The following DPH6 variants were observed in gnomAD, a reference collection of about 807,000 sequenced individuals.
DPH6 encodes the protein diphthamine biosynthesis 6.
A neutral mutation model predicts 38.2 loss-of-function variants in DPH6; 33 were observed. The observed-to-expected ratio is 0.86, with a 90% CI of 0.65 to 1.15. The LOEUF (loss-of-function observed/expected upper bound fraction) is 1.15. Ranked by LOEUF, DPH6 falls within the 50% of genes most tolerant of loss-of-function variation. DPH6 has a pLI of 0.00. For synonymous variants in DPH6, 108 were observed against 103.0 expected, an observed-to-expected ratio of 1.05 and a Z score of -0.30; for missense variants, 325 against 320.0, an observed-to-expected ratio of 1.02 and a Z score of -0.12.
At chr15:35,400,985 C>G (rs1566896139) in intron 6 of DPH6, 4 of 953,966 alleles carry the variant, frequency 4.2e-6, no homozygotes, top group Non-Finnish European at 6.7e-6. Flanking sequence ...GACCAGGTGC[C>G]CACTCAACTG....
At chr15:35,395,534 C>T (rs940944090) in intron 6 of DPH6, among the ~76,000 whole-genome samples, 1 of 152,190 alleles carries the variant, frequency 6.6e-6, no homozygotes, top group Non-Finnish European at 1.5e-5. Context: ...CTCTTAGTTT[C>T]ATTTAGACCA....
At chr15:35,352,292 T>C (rs909317778) in intron 3 of DPH6, among the ~76,000 whole-genome samples, 17 of 152,180 alleles carry the variant, frequency 1.1e-4, no homozygotes, top group Non-Finnish European at 2.2e-4. Context: ...CAATTTTTTT[T>C]ATTATACTTT....
chr15:35,359,446 T>C (rs529209703), intron 3 of DPH6, among the ~76,000 whole-genome samples: 1 of 152,176 alleles, frequency 6.6e-6, no homozygotes, highest in Non-Finnish European at 1.5e-5. Context: ...AGAGATTTGC[T>C]TCTCTCTGTG....
At chr15:35,297,061 A>T (rs2052020719) in intron 3 of DPH6, among the ~76,000 whole-genome samples, 2 of 152,096 alleles carry the variant, frequency 1.3e-5, no homozygotes, top group South Asian at 2.1e-4. Context: ...CCTATCTAAG[A>T]CTAATCACTC....
At chr15:35,521,488 C>T (rs2054922322) in intron 3 of DPH6, 1 of 1,207,720 alleles carries the variant, frequency 8.3e-7, no homozygotes, top group Admixed American at 4.4e-5. Context: ...TTAATGCTTA[C>T]AACAGAATCA....
At chr15:35,225,550 T>C (rs1030366680) in intron 3 of DPH6, among the ~76,000 whole-genome samples, 2 of 152,244 alleles carry the variant, frequency 1.3e-5, no homozygotes, top group African/African-American at 4.8e-5. Context: ...CTACTTGATG[T>C]CTCTAGCCTT....
intron 3 of DPH6, among the ~76,000 whole-genome samples, chr15:35,307,279 T>A (rs1301854772): frequency 6.6e-6 from 1 of 152,046 alleles, no homozygotes; most frequent in Non-Finnish European, 1.5e-5. Flanking sequence ...CACTCTGTAT[T>A]GGGCACAGAA....
intron 6 of DPH6, among the ~76,000 whole-genome samples, chr15:35,407,965 A>C (rs570369621): frequency 2.0e-5 from 3 of 152,118 alleles, no homozygotes; most frequent in Non-Finnish European, 4.4e-5. Context: ...ACACTTTAAA[A>C]ATACCATTCT....
intron 3 of DPH6, among the ~76,000 whole-genome samples, chr15:35,526,197 T>C (rs1052035810): frequency 6.6e-6 from 1 of 152,158 alleles, no homozygotes; most frequent in Admixed American, 6.5e-5. Context: ...CCCTGCAAAA[T>C]TACTACCTAG....
the DPH6 span, among the ~76,000 whole-genome samples, chr15:35,150,305 T>C: frequency 1.1e-4 from 16 of 152,182 alleles, no homozygotes; most frequent in Admixed American, 1.0e-3. Context: ...TCTTATCAGA[T>C]GGTGCAATTT....
rs2053220534 is a variant in DPH6 at position 35,401,606 on chromosome 15, A to G, written c.567+9229T>C. On this transcript the variant is annotated intron_variant, in intron 6 of 8. Transcript: ENST00000256538. ...AGCTACAATGATTTTGGCAATTACA[A>G]CAATCATCTTCGAATTTTGGAACCA... 23 of 763,946 alleles carry G rather than the reference A, an allele frequency of 3.0e-5. No homozygotes were observed. The East Asian group carries it at 5.4e-4, about 18-fold the overall frequency. 47.3% of individuals were successfully genotyped at this position (763,946 alleles called of 1,614,324 possible).
intron 3 of DPH6, among the ~76,000 whole-genome samples, chr15:35,227,244 C>T (rs1430763856): frequency 2.1e-4 from 27 of 125,594 alleles, no homozygotes; most frequent in Admixed American, 6.4e-4. Flanking sequence ...AGTGCAGAGG[C>T]GCGATCTCGG....
downstream of DPH6, among the ~76,000 whole-genome samples, chr15:35,214,496 G>C (rs2051402610): frequency 6.6e-6 from 1 of 152,058 alleles, no homozygotes; most frequent in Admixed American, 6.5e-5. Flanking sequence ...CTTTCTATCT[G>C]CCAGGATATA....
At position 35,272,714 on chromosome 15, in the gene DPH6, G is replaced by C. The variant is rs539536458; in HGVS notation, n.201-52132C>G. On this transcript the variant is annotated intron_variant and non_coding_transcript_variant, in intron 3 of 3. Coordinates refer to the DPH6 transcript ENST00000560386. ...ACCTGAGGTTAGGAGTTCAAGACCA[G>C]CCTGGCCAACATGGTGAAACCCATC... 3.9e-5 allele frequency among the ~76,000 whole-genome samples: 6 copies of C among 152,158 alleles called. No homozygotes were observed. In the South Asian group the frequency reaches 1.2e-3, roughly 32 times the overall value.
chr15:35,452,661 C>G (rs1400520549), intron 4 of DPH6, among the ~76,000 whole-genome samples: 1 of 152,056 alleles, frequency 6.6e-6, no homozygotes, highest in East Asian at 1.9e-4. Context: ...TGTAATTTTC[C>G]CTTTTAAAAT....
At chr15:35,199,673 T>C in the DPH6 span, among the ~76,000 whole-genome samples, 1 of 151,838 alleles carries the variant, frequency 6.6e-6, no homozygotes, top group Non-Finnish European at 1.5e-5. Flanking sequence ...GATGACAGAT[T>C]ATCAAGTTTT....
At chr15:35,356,521 G>C (rs953149595) in intron 3 of DPH6, among the ~76,000 whole-genome samples, 1 of 152,192 alleles carries the variant, frequency 6.6e-6, no homozygotes, top group East Asian at 1.9e-4. Context: ...CTCAGCTGCA[G>C]GTCTGTTGGA....
intron 5 of DPH6, among the ~76,000 whole-genome samples, chr15:35,434,654 A>T (rs967461908): frequency 1.3e-5 from 2 of 152,234 alleles, no homozygotes; most frequent in Non-Finnish European, 1.5e-5. Context: ...GTATCAGGCA[A>T]ATGTAAAGAA....
At chr15:35,280,835 T>C (rs2140435809) in intron 3 of DPH6, among the ~76,000 whole-genome samples, 1 of 152,328 alleles carries the variant, frequency 6.6e-6, no homozygotes. Context: ...GTTCAAGTTT[T>C]CTCAGATATT....
Sources: gnomAD v4.1 joint callset for allele counts (sites outside exome capture counted in the v4.1 genomes callset) on GRCh38, gnomAD v4.1.1 for gene constraint, MANE v1.5 for transcripts, NCBI Gene and HGNC (gene_info 2026-07-23, HGNC 2026-07-21) for gene names.